LRRFIP2: variants seen among roughly 807,000 people sequenced by gnomAD.
LRRFIP2 encodes the protein LRR binding FLII interacting protein 2, also known as leucine-rich repeat flightless-interacting protein 2.
Under a neutral mutation model 125.9 loss-of-function variants are expected in LRRFIP2, and 109 were observed. That is an observed-to-expected ratio of 0.87 (90% CI 0.74 to 1.01). The LOEUF (loss-of-function observed/expected upper bound fraction) is 1.01. LRRFIP2 is among the 50% of genes least tolerant of loss of function. The pLI, the probability that LRRFIP2 is intolerant of heterozygous loss-of-function variation, is 0.00. For synonymous variants in LRRFIP2, 291 were observed against 293.1 expected, an observed-to-expected ratio of 0.99 and a Z score of 0.07; for missense variants, 850 against 862.3, an observed-to-expected ratio of 0.99 and a Z score of 0.18.
At chr3:37,107,841 T>A (rs370214041) in intron 13 of LRRFIP2, among the ~76,000 whole-genome samples, 329 of 152,314 alleles carry the variant, frequency 2.2e-3, no homozygotes, top group African/African-American at 7.4e-3. Context: ...ACTTTAAAAA[T>A]TCTAATGGCA....
At chr3:37,170,397 A>G (rs2096568999) in intron 1 of LRRFIP2, 1 of 152,252 alleles carries the variant, frequency 6.6e-6, no homozygotes, top group Non-Finnish European at 1.5e-5. Context: ...TGTTTCATTC[A>G]CTAAGTATAA....
upstream of LRRFIP2, chr3:37,174,733 A>C (rs2096633389): frequency 6.6e-6 from 1 of 152,240 alleles, no homozygotes; most frequent in Admixed American, 6.5e-5. Flanking sequence ...TCACGATGAT[A>C]AATATCCAGC....
At chr3:37,155,278 T>A (rs1482646053) in intron 1 of LRRFIP2, among the ~76,000 whole-genome samples, 8 of 152,202 alleles carry the variant, frequency 5.3e-5, no homozygotes, top group Admixed American at 5.2e-4. Context: ...TTGAATTAAC[T>A]ACCTATTTTG....
chr3:37,121,515 T>A lies in LRRFIP2; in HGVS notation c.307A>T (p.Ile103Phe). 2 of 1,614,086 alleles carry A rather than the reference T, an allele frequency of 1.2e-6. No individual in the cohort carries two copies. Among genetic ancestry groups the A allele is most frequent in the Non-Finnish European group, 1.7e-6 (2 of 1,179,926 alleles). ...PYLGVEDALS[I>F]RSVGSHRYDM... ...ACCCTGTGACTGCCAACACTTCGAA[T>A]GGACAATGCATCCTCAACTCCCTGA... The change falls in exon 6 of 28, where the codon ATT (isoleucine) becomes TTT (phenylalanine). Residue 103 changes from isoleucine to phenylalanine, a missense_variant. Transcript: ENST00000336686.
Position 37,111,011 on chromosome 3 carries a change from T to G in LRRFIP2, c.493A>C (p.Thr165Pro). 1 of 1,613,634 alleles carries G rather than the reference T, an allele frequency of 6.2e-7. No homozygotes were observed. Among genetic ancestry groups the G allele is most frequent in the Non-Finnish European group, 8.5e-7 (1 of 1,179,796 alleles). Residue 165 changes from threonine (T) to proline (P), a missense_variant, in exon 9 of 28, where the codon ACC becomes CCC. Transcript: ENST00000336686. ...CAAACCCGAGTGTAGTAGGCAGAGG[T>G]GGGTTTGCTATGTCTAAGACTGCTA... The part of the protein sequence containing the change: ...NYSSLRHSKP[T>P]SAYYTRQSSS...
chr3:37,172,326 T>C (rs945219961), intron 1 of LRRFIP2, among the ~76,000 whole-genome samples: 1 of 152,242 alleles, frequency 6.6e-6, no homozygotes, highest in Non-Finnish European at 1.5e-5. Context: ...ATGGTTCATC[T>C]ACACTAGCAA....
chr3:37,074,748 T>C (rs1323101916), intron 20 of LRRFIP2, among the ~76,000 whole-genome samples: 1 of 152,234 alleles, frequency 6.6e-6, no homozygotes, highest in African/African-American at 2.4e-5. Context: ...CTATAATTTT[T>C]CCTTTTGCCC....
At chr3:37,176,323 A>T (rs1250995813), upstream of LRRFIP2, 4 of 152,348 alleles carry the variant, frequency 2.6e-5, no homozygotes, top group East Asian at 5.8e-4. Flanking sequence ...CGGCCGACTG[A>T]GGAGGCGAAG....
chr3:37,132,804 T>C (rs541851995), intron 2 of LRRFIP2, among the ~76,000 whole-genome samples: 3 of 152,208 alleles, frequency 2.0e-5, no homozygotes, highest in Admixed American at 6.5e-5. Context: ...TCTAGGTAGT[T>C]AACACTAGCA....
chr3:37,099,178 T>A (rs2149281088), intron 15 of LRRFIP2, among the ~76,000 whole-genome samples: 1 of 152,314 alleles, frequency 6.6e-6, no homozygotes, highest in East Asian at 1.9e-4. Flanking sequence ...AGTTCTCTTA[T>A]TTTGGCTACA....
At chr3:37,173,034 A>G (rs1204495760) in intron 1 of LRRFIP2, 1 of 152,056 alleles carries the variant, frequency 6.6e-6, no homozygotes, top group African/African-American at 2.4e-5. Flanking sequence ...CTACTAAAAA[A>G]TAAAAAATAA....
intron 2 of LRRFIP2, among the ~76,000 whole-genome samples, chr3:37,134,181 CAAAA>C (rs35540438): frequency 7.2e-5 from 8 of 110,668 alleles, no homozygotes; most frequent in Admixed American, 1.8e-4. Context: ...GACTCTGTCT[CAAAA>C]AAAAAAAAAA....
intron 12 of LRRFIP2, among the ~76,000 whole-genome samples, 194 bp downstream of exon 12, chr3:37,108,443 C>T (rs897979824): frequency 6.6e-6 from 1 of 152,214 alleles, no homozygotes; most frequent in Admixed American, 6.5e-5. Context: ...GGCATTTTAT[C>T]ACAGCTTGGG....
intron 1 of LRRFIP2, among the ~76,000 whole-genome samples, chr3:37,154,061 G>A (rs1362292404): frequency 6.6e-6 from 1 of 151,648 alleles, no homozygotes; most frequent in African/African-American, 2.4e-5. Context: ...TGTAGTCCCA[G>A]CTACTTGGGA....
At chr3:37,117,753 ACC>A (rs2094856858) in intron 6 of LRRFIP2, among the ~76,000 whole-genome samples, 2 of 152,176 alleles carry the variant, frequency 1.3e-5, no homozygotes, top group Non-Finnish European at 2.9e-5. Flanking sequence ...ATTAGAATGT[ACC>A]TATTACTCAA....
At chr3:37,077,117 T>C (rs1236329059) in intron 19 of LRRFIP2, among the ~76,000 whole-genome samples, 2 of 152,176 alleles carry the variant, frequency 1.3e-5, no homozygotes, top group Non-Finnish European at 2.9e-5. Context: ...AATGGTATAA[T>C]GCTTACAAAG....
intron 12 of LRRFIP2, 46 bp downstream of exon 12, chr3:37,108,587 GCCCA>G: frequency 6.9e-7 from 1 of 1,440,624 alleles, no homozygotes. Context: ...AGTAAACTGT[GCCCA>G]CCCACATTTC....
Position 37,148,901 on chromosome 3 carries a change from G to C in LRRFIP2, c.83C>G (p.Ala28Gly). 6.2e-7 allele frequency: 1 copy of C among 1,613,976 alleles called. No homozygotes were observed. Among genetic ancestry groups the C allele is most frequent in the South Asian group, 1.1e-5 (1 of 91,068 alleles). ...GGGATTTACCAAACATACCTCTCTG[G>C]CAATGTTACTCAAAGCTTCATCTTC... ...SAEDEALSNI[A>G]REAEARLAAK... Residue 28 changes from alanine (A) to glycine (G), a missense_variant, in exon 2 of 28, where the codon GCC (alanine) becomes GGC (glycine). By Grantham distance (60) the Ala-to-Gly change is moderately conservative (BLOSUM62 0). Coordinates refer to ENST00000336686, the MANE Select transcript of LRRFIP2 (RefSeq NM_006309.4).
chr3:37,085,152 A>G (rs981233560), intron 18 of LRRFIP2, among the ~76,000 whole-genome samples: 2 of 152,220 alleles, frequency 1.3e-5, no homozygotes, highest in East Asian at 3.8e-4. Context: ...AAAACGCTTC[A>G]AAGAAAATAT....
Sources: gnomAD v4.1 joint callset for allele counts (sites outside exome capture counted in the v4.1 genomes callset) on GRCh38, gnomAD v4.1.1 for gene constraint, MANE v1.5 for transcripts, NCBI Gene and HGNC (gene_info 2026-07-23, HGNC 2026-07-21) for gene names.